SLIT3: variants seen among roughly 807,000 people sequenced by gnomAD.
The protein encoded by SLIT3 is slit guidance ligand 3, also known as slit homolog 3 protein.
In SLIT3, 68 loss-of-function variants were observed where a neutral mutation model predicts 184.0. That is an observed-to-expected ratio of 0.37 (90% confidence interval 0.30 to 0.45). The LOEUF (loss-of-function observed/expected upper bound fraction) is 0.45. Ranked by LOEUF, SLIT3 falls within the 20% of genes least tolerant of loss-of-function variation. The pLI is 1.00. For missense variants in SLIT3, 1,707 were observed against 2,026.0 expected (o/e 0.84, Z 3.02); for synonymous variants, 831 against 828.6 (o/e 1.00, Z -0.05).
intron 4 of SLIT3, among the ~76,000 whole-genome samples, chr5:169,191,722 G>T (rs1022238882): frequency 6.6e-6 from 1 of 152,038 alleles, no homozygotes; most frequent in South Asian, 2.1e-4. Flanking sequence ...CTGGCTCCCA[G>T]AATCTCAGAG....
chr5:168,891,560 G>A (rs1020942221), intron 4 of SLIT3, among the ~76,000 whole-genome samples: 2 of 152,170 alleles, frequency 1.3e-5, no homozygotes, highest in Admixed American at 6.5e-5. Flanking sequence ...AATCACTAGA[G>A]GGCAGGTGAT....
At chr5:169,015,994 G>C (rs57391653) in intron 4 of SLIT3, among the ~76,000 whole-genome samples, 47,984 of 144,074 alleles carry the variant, frequency 0.33, 8,771 homozygotes, top group East Asian at 0.54. Flanking sequence ...ACAACTTTCT[G>C]TCTGCCCCCT....
chr5:169,215,834 T>C (rs1375657961), intron 3 of SLIT3, among the ~76,000 whole-genome samples: 1 of 152,240 alleles, frequency 6.6e-6, no homozygotes, highest in Admixed American at 6.5e-5. Context: ...GAAATTCCTA[T>C]TTTAGGAATT....
intron 32 of SLIT3, among the ~76,000 whole-genome samples, chr5:168,683,483 A>G (rs1379410060): frequency 6.6e-6 from 1 of 152,102 alleles, no homozygotes; most frequent in African/African-American, 2.4e-5. Context: ...TGGCTGCTGG[A>G]GAGGCTGAAG....
intron 4 of SLIT3, among the ~76,000 whole-genome samples, chr5:169,041,983 A>C (rs575260193): frequency 6.6e-6 from 1 of 152,270 alleles, no homozygotes; most frequent in East Asian, 1.9e-4. Flanking sequence ...TAAATCTTGC[A>C]GTTCTAAAAA....
At chr5:169,237,860 T>C (rs1241271068) in intron 3 of SLIT3, among the ~76,000 whole-genome samples, 3 of 152,208 alleles carry the variant, frequency 2.0e-5, no homozygotes, top group Non-Finnish European at 4.4e-5. Flanking sequence ...TTTATAGTTT[T>C]ACATTTTACA....
At chr5:168,700,943 C>G (rs1385651062) in intron 26 of SLIT3, among the ~76,000 whole-genome samples, 1 of 152,218 alleles carries the variant, frequency 6.6e-6, no homozygotes, top group Non-Finnish European at 1.5e-5. Context: ...TTGCACCCTT[C>G]TGTATCCCAA....
rs1163238928 is a variant in SLIT3, at chr5:168,718,677, TACACACACACACACACACACACAC to T, written c.2483+3555_2483+3578del. Among the ~76,000 whole-genome samples the T allele has an allele frequency of 5.7e-3, 616 of 108,676 alleles. 6 individuals carry two copies. The highest frequency in any genetic ancestry group is 0.019 in the African/African-American group (565 of 30,206). 71.3% of individuals were successfully genotyped at this position (108,676 alleles called of 152,430 possible). ...CCTGAAATGTATTCATATCCACCCA[TACACACACACACACACACACACAC>T]ACACACACACACACACACACACACA... On this transcript the variant is annotated intron_variant, in intron 23 of 35. Transcript: ENST00000519560.
chr5:168,907,961 TATATATATATATATATATAGAG>T (rs1562000082), intron 4 of SLIT3, among the ~76,000 whole-genome samples: 3,518 of 81,558 alleles, frequency 0.043, 43 homozygotes, highest in East Asian at 0.064. Flanking sequence ...TATATATATA[TATATATATATATATATATAGAG>T]AGAGAGAGAG....
intron 20 of SLIT3, among the ~76,000 whole-genome samples, chr5:168,739,484 G>A (rs993174244): frequency 4.0e-5 from 6 of 149,956 alleles, no homozygotes; most frequent in Admixed American, 2.7e-4. Context: ...GTGCAACGGC[G>A]CAATCTCAGC....
At chr5:169,105,611 G>T (rs1217795364) in intron 4 of SLIT3, among the ~76,000 whole-genome samples, 1 of 152,176 alleles carries the variant, frequency 6.6e-6, no homozygotes, top group African/African-American at 2.4e-5. Flanking sequence ...GCCATCCCTG[G>T]ATAAACCAAC....
intron 1 of SLIT3, among the ~76,000 whole-genome samples, chr5:169,276,917 T>C (rs1766826909): frequency 6.6e-6 from 1 of 152,250 alleles, no homozygotes; most frequent in Non-Finnish European, 1.5e-5. Flanking sequence ...CTACATCATA[T>C]AAGTTTTGCC....
intron 12 of SLIT3, among the ~76,000 whole-genome samples, chr5:168,776,566 C>T (rs770041720): frequency 2.6e-5 from 4 of 152,140 alleles, no homozygotes; most frequent in Non-Finnish European, 5.9e-5. Context: ...ATGCTGGAAG[C>T]GGTTATGATA....
chr5:169,014,068 G>T (rs1756269515), intron 4 of SLIT3, among the ~76,000 whole-genome samples: 1 of 150,786 alleles, frequency 6.6e-6, no homozygotes, highest in East Asian at 1.9e-4. Context: ...AGAGAAGCTT[G>T]CACAATACAG....
intron 4 of SLIT3, among the ~76,000 whole-genome samples, chr5:168,971,628 G>A (rs1001592500): frequency 2.6e-5 from 4 of 152,154 alleles, no homozygotes; most frequent in African/African-American, 9.7e-5. Flanking sequence ...ATTGAGAAGT[G>A]GATTTTGTTT....
intron 16 of SLIT3, among the ~76,000 whole-genome samples, chr5:168,760,078 G>C (rs186632327): frequency 6.6e-6 from 1 of 152,342 alleles, no homozygotes; most frequent in East Asian, 1.9e-4. Flanking sequence ...TGTGGTCTTA[G>C]AGAAGTCACA....
intron 4 of SLIT3, among the ~76,000 whole-genome samples, chr5:169,168,473 A>C (rs937178196): frequency 1.1e-4 from 17 of 152,200 alleles, no homozygotes; most frequent in Non-Finnish European, 2.4e-4. Context: ...GATGATAAAA[A>C]TAGCAAATGT....
intron 4 of SLIT3, among the ~76,000 whole-genome samples, chr5:169,087,233 C>T (rs1159120451): frequency 6.6e-6 from 1 of 152,142 alleles, no homozygotes; most frequent in African/African-American, 2.4e-5. Context: ...GTGGCTGTGG[C>T]AGGGGAGGAG....
At chr5:168,946,046 C>A (rs1462675340) in intron 4 of SLIT3, among the ~76,000 whole-genome samples, 1 of 152,172 alleles carries the variant, frequency 6.6e-6, no homozygotes, top group African/African-American at 2.4e-5. Flanking sequence ...TTAATTCTTA[C>A]GACAATGCTA....
Sources: allele counts gnomAD v4.1 joint callset (sites outside exome capture counted in the v4.1 genomes callset), GRCh38; gene constraint gnomAD v4.1.1; transcripts MANE v1.5; gene names NCBI Gene and HGNC (gene_info 2026-07-23, HGNC 2026-07-21).